MYLK3: variants seen among roughly 807,000 people sequenced by gnomAD.
The protein encoded by MYLK3 is myosin light chain kinase 3, also known as MLC kinase.
In MYLK3, 55 loss-of-function variants were observed where a neutral mutation model predicts 76.3. The observed-to-expected ratio is 0.72, with a 90% confidence interval of 0.58 to 0.90. The LOEUF (loss-of-function observed/expected upper bound fraction) is 0.90. MYLK3 is among the 40% of genes least tolerant of loss of function. MYLK3 has a pLI of 0.00. For synonymous variants in MYLK3, 416 were observed against 425.4 expected (o/e 0.98, Z 0.27); for missense variants, 973 against 1,053.6 (o/e 0.92, Z 1.06).
At chr16:46,759,652 TA>T (rs1359144090) in intron 1 of MYLK3, among the ~76,000 whole-genome samples, 1 of 151,956 alleles carries the variant, frequency 6.6e-6, no homozygotes, top group African/African-American at 2.4e-5. Flanking sequence ...TAATTTTTTT[TA>T]TTTTTGCTCT....
intron 9 of MYLK3, among the ~76,000 whole-genome samples, chr16:46,718,286 A>T (rs1185700148): frequency 6.6e-6 from 1 of 152,236 alleles, no homozygotes; most frequent in Non-Finnish European, 1.5e-5. Context: ...GCACATTACC[A>T]GGGAAAATAC....
chr16:46,724,293 T>C (rs1458852972), intron 8 of MYLK3, among the ~76,000 whole-genome samples: 1 of 152,130 alleles, frequency 6.6e-6, no homozygotes, highest in Non-Finnish European at 1.5e-5. Context: ...AAGTATGAGA[T>C]TTTTTTCATT....
chr16:46,728,191 C>T (rs760145296), intron 7 of MYLK3, among the ~76,000 whole-genome samples: 10 of 152,200 alleles, frequency 6.6e-5, no homozygotes, highest in Non-Finnish European at 1.3e-4. Context: ...CAAATATGAA[C>T]GGCCTCTGAG....
chr16:46,729,529 G>T, intron 6 of MYLK3, 65 bp downstream of exon 6: 2 of 1,401,834 alleles, frequency 1.4e-6, no homozygotes, highest in Admixed American at 1.7e-5. Flanking sequence ...GAGCCTGGGG[G>T]CCCTGAGGGA....
chr16:46,734,126 T>C (rs1039187227), intron 3 of MYLK3, among the ~76,000 whole-genome samples: 7 of 152,182 alleles, frequency 4.6e-5, no homozygotes, highest in Non-Finnish European at 8.8e-5. Flanking sequence ...GTAGCAGCAT[T>C]ACTCACAAAA....
intron 1 of MYLK3, among the ~76,000 whole-genome samples, chr16:46,743,525 A>G (rs149215942): frequency 5.9e-5 from 9 of 152,330 alleles, no homozygotes; most frequent in African/African-American, 2.2e-4. Context: ...TCAGCAGCCG[A>G]CAGCCTGATG....
chr16:46,713,824 G>A (rs942346166), intron 9 of MYLK3, among the ~76,000 whole-genome samples: 2 of 152,160 alleles, frequency 1.3e-5, no homozygotes, highest in South Asian at 2.1e-4. Context: ...GTGAGATCAC[G>A]TGGTACTTGT....
chr16:46,734,598 G>A (rs1186741393), intron 3 of MYLK3, among the ~76,000 whole-genome samples: 2 of 152,126 alleles, frequency 1.3e-5, no homozygotes, highest in African/African-American at 2.4e-5. Flanking sequence ...TCCAGCCTGG[G>A]TGACACAGTG....
At position 46,703,318 on chromosome 16, in the gene MYLK3, C is replaced by G. The variant is rs1341335197; in HGVS notation, c.*4386G>C. On this transcript the variant is annotated 3_prime_UTR_variant, in exon 13 of 13. Coordinates refer to ENST00000394809, the MANE Select transcript of MYLK3 (RefSeq NM_182493.3). ...AGTAAACATCATTTTGAATAAATCT[C>G]TATACAATTGTTCAAGTACGGAGGG... 3 of 152,178 alleles carry G rather than the reference C, an allele frequency of 2.0e-5. No homozygotes were observed. The highest frequency in any genetic ancestry group is 4.8e-5 in the African/African-American group (2 of 41,426). The allele number at this position is 152,178 out of a possible 1,614,324, so 9.4% of individuals were successfully genotyped here. A position where few individuals can be genotyped will look rare whatever the true frequency, so the allele number is the denominator to read the frequency against.
intron 8 of MYLK3, chr16:46,726,044 T>C (rs1966839983): frequency 6.6e-6 from 1 of 152,244 alleles, no homozygotes; most frequent in South Asian, 2.1e-4. Context: ...TTCTCTTACA[T>C]GTGGCTTGCC....
At chr16:46,713,517 T>C (rs773235599) in intron 9 of MYLK3, among the ~76,000 whole-genome samples, 7 of 152,212 alleles carry the variant, frequency 4.6e-5, no homozygotes, top group Non-Finnish European at 1.0e-4. Flanking sequence ...GATGCTTTGA[T>C]ACATGTGTAC....
chr16:46,711,217 G>A (rs926330542), intron 10 of MYLK3, among the ~76,000 whole-genome samples: 1 of 152,148 alleles, frequency 6.6e-6, no homozygotes, highest in Non-Finnish European at 1.5e-5. Context: ...TTAGGTTCCC[G>A]CCTGAGGGAG....
intron 12 of MYLK3, 72 bp downstream of exon 12, chr16:46,709,467 C>A: frequency 4.2e-6 from 6 of 1,433,334 alleles, no homozygotes; most frequent in South Asian, 1.3e-5. Flanking sequence ...GAAAAGGAAA[C>A]TTAGCTACAG....
intron 8 of MYLK3, among the ~76,000 whole-genome samples, chr16:46,723,772 C>T (rs1318733465): frequency 6.6e-6 from 1 of 151,786 alleles, no homozygotes. Context: ...GCCTCAGCCT[C>T]CCGAGTAGCT....
intron 1 of MYLK3, among the ~76,000 whole-genome samples, chr16:46,743,381 C>T (rs909595797): frequency 6.6e-6 from 1 of 152,232 alleles, no homozygotes; most frequent in South Asian, 2.1e-4. Flanking sequence ...TAATGCACGG[C>T]GTTCAGCACT....
At chr16:46,715,225 C>G (rs1966724798) in intron 9 of MYLK3, among the ~76,000 whole-genome samples, 1 of 152,184 alleles carries the variant, frequency 6.6e-6, no homozygotes, top group African/African-American at 2.4e-5. Context: ...TGTTTAACAA[C>G]TGGATTACAA....
At chr16:46,755,906 C>CTTTTTTTTTTTTTTTTTTTT (rs772833701) in intron 1 of MYLK3, among the ~76,000 whole-genome samples, 2 of 109,768 alleles carry the variant, frequency 1.8e-5, no homozygotes, top group Admixed American at 1.1e-4. Context: ...TTTTTTCTTT[C>CTTTTTTTTTTTTTTTTTTTT]TTTTTTTTTT....
intron 1 of MYLK3, among the ~76,000 whole-genome samples, chr16:46,757,890 T>C (rs1967220974): frequency 6.6e-6 from 1 of 152,186 alleles, no homozygotes; most frequent in South Asian, 2.1e-4. Context: ...GCAGGGGCCC[T>C]GGGGATGTGC....
chr16:46,734,452 A>T (rs1966859532), intron 3 of MYLK3, among the ~76,000 whole-genome samples: 1 of 152,176 alleles, frequency 6.6e-6, no homozygotes, highest in Non-Finnish European at 1.5e-5. Context: ...CATCTCTACT[A>T]AAAATACAAA....
Sources: gnomAD v4.1 joint callset for allele counts (sites outside exome capture counted in the v4.1 genomes callset) on GRCh38, gnomAD v4.1.1 for gene constraint, MANE v1.5 for transcripts, NCBI Gene and HGNC (gene_info 2026-07-23, HGNC 2026-07-21) for gene names.